The following VPS54 variants were observed in gnomAD, a reference collection of about 807,000 sequenced individuals.
VPS54 encodes vacuolar protein sorting-associated protein 54.
In VPS54, 45 loss-of-function variants were observed where a neutral mutation model predicts 121.5. The observed-to-expected ratio is 0.37, with a 90% confidence interval of 0.29 to 0.47. VPS54 has a LOEUF of 0.47. Ranked by LOEUF, VPS54 falls within the 20% of genes least tolerant of loss-of-function variation. VPS54 has a pLI of 0.99. For missense variants in VPS54, 1,090 were observed against 1,131.4 expected, an observed-to-expected ratio of 0.96 and a Z score of 0.52; for synonymous variants, 371 against 385.8, an observed-to-expected ratio of 0.96 and a Z score of 0.45.
rs3079061 is a variant in VPS54 at position 63,985,680 on chromosome 2, TACACACACACACAC to T, written c.-20-1675_-20-1662del. ...TACACTGGGAAGAAGTGACAAATTA[TACACACACACACAC>T]ACACACACACACACACACACACACA... On this transcript the variant is annotated intron_variant, in intron 1 of 22. Coordinates refer to ENST00000272322, the MANE Select transcript of VPS54 (RefSeq NM_016516.3). Among the ~76,000 whole-genome samples, 422 of 145,036 alleles carry T rather than the reference TACACACACACACAC, an allele frequency of 2.9e-3. 1 individual carries two copies. Among genetic ancestry groups the T allele is most frequent in the Middle Eastern group, 6.9e-3 (2 of 290 alleles).
chr2:63,999,269 T>C (rs1342302187), intron 1 of VPS54, among the ~76,000 whole-genome samples: 1 of 152,228 alleles, frequency 6.6e-6, no homozygotes, highest in East Asian at 1.9e-4. Context: ...GCATTTCTTG[T>C]AGGACAGGTC....
chr2:63,965,122 A>T (rs1190402940), intron 6 of VPS54, among the ~76,000 whole-genome samples: 2 of 152,168 alleles, frequency 1.3e-5, no homozygotes, highest in African/African-American at 4.8e-5. Context: ...CCTAGGTGAA[A>T]ATGAAAAACA....
At chr2:63,971,242 A>G (rs1676273160) in intron 4 of VPS54, among the ~76,000 whole-genome samples, 1 of 152,180 alleles carries the variant, frequency 6.6e-6, no homozygotes, top group Non-Finnish European at 1.5e-5. Context: ...TCTCATTTGT[A>G]TTACTGCAGT....
chr2:63,997,865 T>C (rs568203692), intron 1 of VPS54, among the ~76,000 whole-genome samples: 6 of 152,216 alleles, frequency 3.9e-5, no homozygotes, highest in African/African-American at 1.4e-4. Flanking sequence ...TCATTTTTGC[T>C]GTATCCTCAT....
At chr2:63,912,305 T>C (rs1189361335) in intron 20 of VPS54, 40 bp downstream of exon 20, 2 of 1,487,640 alleles carry the variant, frequency 1.3e-6, no homozygotes, top group Non-Finnish European at 1.8e-6. Context: ...AAAATCATAA[T>C]GTCTTTGAAC....
At chr2:63,937,521 C>G (rs1403199660) in intron 11 of VPS54, among the ~76,000 whole-genome samples, 3 of 152,140 alleles carry the variant, frequency 2.0e-5, no homozygotes, top group Non-Finnish European at 4.4e-5. Flanking sequence ...TGCAGAAAAA[C>G]TGAAACCCTG....
chr2:63,995,633 A>C (rs779312932), intron 1 of VPS54, among the ~76,000 whole-genome samples: 1 of 152,372 alleles, frequency 6.6e-6, no homozygotes, highest in African/African-American at 2.4e-5. Context: ...TCAACAAGGC[A>C]TTGACCAAAA....
At chr2:63,920,119 A>T in intron 14 of VPS54, 124 bp from the exon 15 acceptor site, 1 of 708,688 alleles carries the variant, frequency 1.4e-6, no homozygotes, top group Non-Finnish European at 2.3e-6. Flanking sequence ...GAACACTTTA[A>T]TAAGCAGGAC....
At chr2:63,985,965 C>T (rs1161267610) in intron 1 of VPS54, among the ~76,000 whole-genome samples, 2 of 152,240 alleles carry the variant, frequency 1.3e-5, no homozygotes, top group East Asian at 3.9e-4. Context: ...GTAAGAAACA[C>T]TGTACAACAC....
In VPS54 at chr2:63,983,907, T is replaced by C; in HGVS notation, c.93A>G (p.Arg31=). ...KIEVDPSKHI[R]PVPSLPDVCP... is the part of the protein sequence containing the mutation. ...ACACATCTGGCAGTGATGGCACAGG[T>C]CGAATGTGTTTTGACGGATCTACCT... Residue 31 remains arginine (R), a synonymous_variant, in exon 2 of 23, where the codon CGA becomes CGG. Coordinates refer to ENST00000272322, the MANE Select transcript of VPS54 (RefSeq NM_016516.3). The C allele has an allele frequency of 6.2e-7, 1 of 1,613,346 alleles. No homozygotes were observed. The highest frequency in any genetic ancestry group is 1.1e-5 in the South Asian group (1 of 90,928).
intron 7 of VPS54, among the ~76,000 whole-genome samples, chr2:63,952,321 T>C (rs1240244285): frequency 2.0e-5 from 3 of 152,108 alleles, no homozygotes; most frequent in Admixed American, 2.0e-4. Context: ...AAAACTTAAG[T>C]GAAAGAGTCC....
At chr2:63,982,351 G>A (rs1428686833) in intron 2 of VPS54, among the ~76,000 whole-genome samples, 1 of 152,058 alleles carries the variant, frequency 6.6e-6, no homozygotes, top group Non-Finnish European at 1.5e-5. Flanking sequence ...TGACATAAAT[G>A]TTGCTGTGGC....
At chr2:63,948,371 T>C (rs1312977190) in intron 8 of VPS54, among the ~76,000 whole-genome samples, 3 of 151,984 alleles carry the variant, frequency 2.0e-5, no homozygotes, top group Non-Finnish European at 2.9e-5. Context: ...CTCAGTAAAT[T>C]TGAATGACGG....
At chr2:63,908,534 A>G (rs1673001330) in intron 20 of VPS54, among the ~76,000 whole-genome samples, 1 of 152,164 alleles carries the variant, frequency 6.6e-6, no homozygotes, top group Non-Finnish European at 1.5e-5. Context: ...GGTGAATTTT[A>G]CTGACTGTAA....
At chr2:63,938,880 T>C (rs1674587628) in intron 11 of VPS54, among the ~76,000 whole-genome samples, 1 of 152,202 alleles carries the variant, frequency 6.6e-6, no homozygotes, top group South Asian at 2.1e-4. Context: ...GCCACTGAAT[T>C]GTGCACTTAA....
At chr2:63,965,637 G>A (rs553324902) in intron 6 of VPS54, among the ~76,000 whole-genome samples, 198 bp downstream of exon 6, 7 of 152,200 alleles carry the variant, frequency 4.6e-5, no homozygotes, top group African/African-American at 1.7e-4. Context: ...GTTTTTCCTT[G>A]TTCATCTGCA....
chr2:64,016,609 TA>T (rs1212804050), intron 1 of VPS54, among the ~76,000 whole-genome samples: 33 of 97,270 alleles, frequency 3.4e-4, no homozygotes, highest in South Asian at 2.6e-3. Flanking sequence ...CTGAATTGTA[TA>T]TTTTTTTTTT....
intron 7 of VPS54, among the ~76,000 whole-genome samples, chr2:63,956,693 T>G (rs1333012481): frequency 1.3e-5 from 2 of 152,192 alleles, no homozygotes; most frequent in African/African-American, 4.8e-5. Context: ...TGGGTAACAT[T>G]CCCTATCTCA....
chr2:63,939,677 T>A (rs1287975413), intron 11 of VPS54, among the ~76,000 whole-genome samples: 1 of 152,122 alleles, frequency 6.6e-6, no homozygotes, highest in Non-Finnish European at 1.5e-5. Context: ...AACCCCAAAG[T>A]TTCTCCTTGT....
Sources: gnomAD v4.1 joint callset for allele counts (sites outside exome capture counted in the v4.1 genomes callset) on GRCh38, gnomAD v4.1.1 for gene constraint, MANE v1.5 for transcripts, NCBI Gene and HGNC (gene_info 2026-07-23, HGNC 2026-07-21) for gene names.